Variants in ZC3H12B observed in about 807,000 individuals in gnomAD.
ZC3H12B encodes the protein zinc finger CCCH-type containing 12B, also known as probable ribonuclease ZC3H12B.
In ZC3H12B, 7 loss-of-function variants were observed where a neutral mutation model predicts 43.9. That is an observed-to-expected ratio of 0.16 (90% confidence interval 0.09 to 0.30). The LOEUF (loss-of-function observed/expected upper bound fraction) is 0.30, where lower values mean the gene tolerates loss of function less well. ZC3H12B is among the 10% of genes least tolerant of loss of function. The probability of loss-of-function intolerance (pLI) is 1.00; values close to 1 mark genes in which losing one functional copy is unlikely to be tolerated. For synonymous variants in ZC3H12B, 222 were observed against 241.7 expected, an observed-to-expected ratio of 0.92 and a Z score of 0.76; for missense variants, 475 against 670.2, an observed-to-expected ratio of 0.71 and a Z score of 3.22.
chrX:65,401,224 C>G (rs1221522580), intron 3 of ZC3H12B, among the ~76,000 whole-genome samples: 1 of 111,530 alleles, frequency 9.0e-6, no homozygotes, highest in African/African-American at 3.3e-5. Context: ...CCTTCCGCAC[C>G]CTTGGCAGCA....
chrX:65,217,315 T>G, the ZC3H12B span, among the ~76,000 whole-genome samples: 1 of 111,859 alleles, frequency 8.9e-6, no homozygotes, highest in Admixed American at 9.6e-5. Flanking sequence ...CTTTGAATTT[T>G]TGGAAAGCCC....
the ZC3H12B span, among the ~76,000 whole-genome samples, chrX:65,130,373 C>CT: frequency 9.0e-6 from 1 of 110,898 alleles, no homozygotes; most frequent in African/African-American, 3.3e-5. Flanking sequence ...CTGTGGTGAC[C>CT]TTTTTAGACC....
At chrX:65,168,909 A>T in the ZC3H12B span, among the ~76,000 whole-genome samples, 1 of 110,302 alleles carries the variant, frequency 9.1e-6, no homozygotes, top group African/African-American at 3.3e-5. Context: ...TTTTTATTGC[A>T]TCTATTTGAT....
chrX:65,450,683 GTATATGTATACATATGTGTA>G (rs2067476667), intron 3 of ZC3H12B, among the ~76,000 whole-genome samples: 2 of 8,972 alleles, frequency 2.2e-4, no homozygotes, highest in Non-Finnish European at 2.9e-4. Flanking sequence ...GTGTATATAT[GTATATGTATACATATGTGTA>G]TATATGTATA....
At chrX:65,181,176 G>T in the ZC3H12B span, among the ~76,000 whole-genome samples, 2 of 111,860 alleles carry the variant, frequency 1.8e-5, no homozygotes, top group African/African-American at 6.5e-5. Context: ...TTAATTAATG[G>T]TGCTGGGAAA....
chrX:65,246,718 A>G, the ZC3H12B span, among the ~76,000 whole-genome samples: 1 of 112,486 alleles, frequency 8.9e-6, no homozygotes, highest in East Asian at 2.8e-4. Context: ...GAAGATTGAA[A>G]CTGAACCCCT....
chrX:65,252,982 A>G, the ZC3H12B span, among the ~76,000 whole-genome samples: 2 of 112,349 alleles, frequency 1.8e-5, no homozygotes, highest in African/African-American at 6.5e-5. Flanking sequence ...GTAGAGCAGC[A>G]ATAAATTAGT....
chrX:65,065,777 CCAAT>C, the ZC3H12B span, among the ~76,000 whole-genome samples: 2 of 110,434 alleles, frequency 1.8e-5, no homozygotes, highest in African/African-American at 6.6e-5. Context: ...TTTAGGTACA[CCAAT>C]CAATCATAGA....
the ZC3H12B span, among the ~76,000 whole-genome samples, chrX:65,230,463 A>T: frequency 9.2e-6 from 1 of 109,203 alleles, no homozygotes; most frequent in Non-Finnish European, 1.9e-5. Flanking sequence ...GCAGCACACC[A>T]GCATGGCACA....
At chrX:65,143,001 A>G in the ZC3H12B span, among the ~76,000 whole-genome samples, 1 of 111,448 alleles carries the variant, frequency 9.0e-6, no homozygotes, top group African/African-American at 3.3e-5. Context: ...TTTGTTCCAT[A>G]AAAATTTTAG....
chrX:65,216,640 A>AG, the ZC3H12B span, among the ~76,000 whole-genome samples: 3 of 107,362 alleles, frequency 2.8e-5, no homozygotes, highest in African/African-American at 1.1e-4. Flanking sequence ...CAGTAATCAC[A>AG]GGAGTGTTCA....
At chrX:65,489,500 A>C (rs769459343) in intron 1 of ZC3H12B, 91 bp downstream of exon 6, 1 of 1,018,279 alleles carries the variant, frequency 9.8e-7, no homozygotes, top group Non-Finnish European at 1.3e-6. Context: ...TAAGAGGAGC[A>C]TGGCTATTGA....
At chrX:65,110,305 C>T in the ZC3H12B span, among the ~76,000 whole-genome samples, 1 of 109,519 alleles carries the variant, frequency 9.1e-6, no homozygotes, top group Non-Finnish European at 1.9e-5. Flanking sequence ...AAAATTCAGT[C>T]TATCAATTTT....
chrX:65,387,796 GT>G (rs1432030309), intron 2 of ZC3H12B, among the ~76,000 whole-genome samples: 13 of 112,633 alleles, frequency 1.2e-4, no homozygotes, highest in African/African-American at 4.2e-4. Flanking sequence ...TCCTTTTCAT[GT>G]TTATTGCTTC....
the ZC3H12B span, among the ~76,000 whole-genome samples, chrX:65,108,233 TTAA>T: frequency 9.0e-6 from 1 of 111,335 alleles, no homozygotes; most frequent in African/African-American, 3.3e-5. Context: ...TTTTAAATTT[TTAA>T]TAATAAATTA....
the ZC3H12B span, among the ~76,000 whole-genome samples, chrX:65,304,652 A>G: frequency 9.1e-6 from 1 of 110,214 alleles, no homozygotes; most frequent in Non-Finnish European, 1.9e-5. Flanking sequence ...ACATTTACCC[A>G]TATCTCACAG....
chrX:65,160,597 T>A, the ZC3H12B span, among the ~76,000 whole-genome samples: 1 of 111,716 alleles, frequency 9.0e-6, no homozygotes, highest in African/African-American at 3.3e-5. Flanking sequence ...TCTGTGGGAT[T>A]GGTGGTGATA....
intron 3 of ZC3H12B, among the ~76,000 whole-genome samples, chrX:65,429,311 C>T (rs1285089215): frequency 8.9e-6 from 1 of 112,390 alleles, no homozygotes; most frequent in Non-Finnish European, 1.9e-5. Flanking sequence ...CTCTTCAGCC[C>T]CCAATTGATA....
intron 2 of ZC3H12B, among the ~76,000 whole-genome samples, chrX:65,369,272 A>C (rs1377644567): frequency 9.0e-6 from 1 of 111,676 alleles, no homozygotes; most frequent in African/African-American, 3.3e-5. Context: ...TCACTTGTGG[A>C]ACTTTACAAA....
Sources: gnomAD v4.1 joint callset for allele counts (sites outside exome capture counted in the v4.1 genomes callset) on GRCh38, gnomAD v4.1.1 for gene constraint, MANE v1.5 for transcripts, NCBI Gene and HGNC (gene_info 2026-07-23, HGNC 2026-07-21) for gene names.